The following TNS3 variants were observed in gnomAD, a reference collection of about 807,000 sequenced individuals.
TNS3 encodes the protein tensin 3, also known as tensin-3.
TNS3 carries 45 observed loss-of-function variants against 140.9 expected under a neutral mutation model. That is an observed-to-expected ratio of 0.32 (90% CI 0.25 to 0.41). The LOEUF is 0.41. TNS3 is among the 10% of genes least tolerant of loss of function. The pLI is 1.00. For missense variants in TNS3, 1,716 were observed against 1,906.7 expected (o/e 0.90, Z 1.86); for synonymous variants, 815 against 788.4 (o/e 1.03, Z -0.56).
intron 16 of TNS3, among the ~76,000 whole-genome samples, chr7:47,393,375 T>C (rs1792642017): frequency 6.6e-6 from 1 of 152,160 alleles, no homozygotes; most frequent in Non-Finnish European, 1.5e-5. Context: ...GAGGAGGGGA[T>C]GCAGATTTGA....
At chr7:47,327,029 A>G (rs763045807) in intron 20 of TNS3, among the ~76,000 whole-genome samples, 1 of 152,208 alleles carries the variant, frequency 6.6e-6, no homozygotes, top group Non-Finnish European at 1.5e-5. Flanking sequence ...CAGGGCCAGC[A>G]GAATCACAGG....
At chr7:47,514,392 A>C (rs1231738425) in intron 2 of TNS3, among the ~76,000 whole-genome samples, 2 of 152,190 alleles carry the variant, frequency 1.3e-5, no homozygotes, top group African/African-American at 4.8e-5. Flanking sequence ...GTAATCACTT[A>C]GTGTATTGCT....
intron 20 of TNS3, among the ~76,000 whole-genome samples, chr7:47,339,993 G>A (rs1226912432): frequency 2.1e-5 from 3 of 140,282 alleles, no homozygotes; most frequent in African/African-American, 5.2e-5. Context: ...ATACATATGC[G>A]ATCATATGCC....
chr7:47,301,605 A>G (rs539091787), intron 23 of TNS3, among the ~76,000 whole-genome samples: 2 of 151,346 alleles, frequency 1.3e-5, no homozygotes, highest in East Asian at 3.9e-4. Context: ...TTCATTGCTC[A>G]AAAATTAGTA....
intron 13 of TNS3, 83 bp from the exon 14 acceptor site, chr7:47,400,997 G>C (rs535477344): frequency 1.3e-6 from 2 of 1,561,728 alleles, no homozygotes; most frequent in Non-Finnish European, 8.7e-7. Flanking sequence ...CGCGGAGGCC[G>C]GCACAGCAGG....
At chr7:47,445,060 C>T (rs1430918140) in intron 4 of TNS3, among the ~76,000 whole-genome samples, 1 of 152,144 alleles carries the variant, frequency 6.6e-6, no homozygotes, top group Non-Finnish European at 1.5e-5. Flanking sequence ...TTCAGCCCGT[C>T]CCCCAACATA....
intron 1 of TNS3, among the ~76,000 whole-genome samples, chr7:47,542,755 C>T (rs561600902): frequency 6.6e-6 from 1 of 152,108 alleles, no homozygotes; most frequent in African/African-American, 2.4e-5. Flanking sequence ...ATAGTGAAAA[C>T]CCGTCTCTAC....
intron 7 of TNS3, 122 bp from the exon 8 acceptor site, chr7:47,435,526 C>G (rs1795136819): frequency 2.1e-6 from 3 of 1,428,432 alleles, no homozygotes; most frequent in Non-Finnish European, 2.9e-6. Flanking sequence ...GCTGGGTGAC[C>G]CTTTCCTAAA....
chr7:47,335,923 G>A (rs1788605870), intron 20 of TNS3, among the ~76,000 whole-genome samples: 1 of 152,132 alleles, frequency 6.6e-6, no homozygotes, highest in African/African-American at 2.4e-5. Context: ...ACCAGAGAGA[G>A]AAGAAATGTC....
intron 13 of TNS3, chr7:47,405,569 T>C (rs1293571973): frequency 8.5e-6 from 6 of 702,852 alleles, no homozygotes; most frequent in Non-Finnish European, 1.3e-5. Context: ...CCTAAAGCAA[T>C]TGAAAGGTGG....
intron 2 of TNS3, among the ~76,000 whole-genome samples, chr7:47,525,930 C>T (rs1799175049): frequency 6.6e-6 from 1 of 152,224 alleles, no homozygotes; most frequent in Non-Finnish European, 1.5e-5. Context: ...TGGGGTCCTT[C>T]CCTGGCCCTT....
At chr7:47,401,572 G>A (rs996810775) in intron 13 of TNS3, among the ~76,000 whole-genome samples, 4 of 152,198 alleles carry the variant, frequency 2.6e-5, no homozygotes, top group African/African-American at 4.8e-5. Context: ...TCCCCAGGGT[G>A]CAGCTCAAGC....
intron 16 of TNS3, among the ~76,000 whole-genome samples, chr7:47,395,112 G>C (rs981965721): frequency 5.3e-5 from 8 of 152,170 alleles, no homozygotes; most frequent in Admixed American, 3.3e-4. Context: ...CCCCTCCCTT[G>C]GCAAGCAAGG....
At chr7:47,371,680 A>C (rs1480987644) in intron 16 of TNS3, among the ~76,000 whole-genome samples, 2 of 150,358 alleles carry the variant, frequency 1.3e-5, no homozygotes, top group Non-Finnish European at 2.9e-5. Context: ...AAAGACTGGA[A>C]AGACTGGACT....
intron 16 of TNS3, among the ~76,000 whole-genome samples, chr7:47,374,219 C>A (rs1167725172): frequency 6.6e-6 from 1 of 152,202 alleles, no homozygotes; most frequent in Non-Finnish European, 1.5e-5. Flanking sequence ...AACATTTGAA[C>A]ATTATCTGGC....
At position 47,524,774 on chromosome 7, in the gene TNS3, A is replaced by C. The variant is rs1012516737; in HGVS notation, c.-153+4262T>G. Reference sequence around the variant, plus strand: ...CCGAGATCGCGCCACTGCAGTCCGCAGTCCGGCCTGGGCGACAGAGCGAGA... The same window carrying C: ...CCGAGATCGCGCCACTGCAGTCCGCCGTCCGGCCTGGGCGACAGAGCGAGA... On this transcript the variant is annotated intron_variant, in intron 2 of 30. Transcript: ENST00000311160. Among the ~76,000 whole-genome samples the C allele has an allele frequency of 2.4e-5, 3 of 125,522 alleles. No individual in the cohort carries two copies. In the Admixed American group the frequency reaches 2.7e-4, roughly 11 times the overall value. 82.3% of individuals were successfully genotyped at this position (125,522 alleles called of 152,430 possible).
At position 47,394,422 on chromosome 7, in the gene TNS3, A is replaced by G. The variant is rs1000911436; in HGVS notation, c.1024+2378T>C. Among the ~76,000 whole-genome samples, 13 of 152,346 alleles carry G rather than the reference A, an allele frequency of 8.5e-5. No homozygotes were observed. The East Asian group carries it at 2.5e-3, about 29-fold the overall frequency. On this transcript the variant is annotated intron_variant, in intron 16 of 30. Transcript: ENST00000311160. Reference sequence around the variant, plus strand: ...ATGACAGCCCTCACCAGAATCCGCCAGGCTGGCTGCCTGATCTTGGACTTC... The same window carrying G: ...ATGACAGCCCTCACCAGAATCCGCCGGGCTGGCTGCCTGATCTTGGACTTC...
chr7:47,304,036 C>T (rs901600356), intron 21 of TNS3, among the ~76,000 whole-genome samples: 3 of 152,198 alleles, frequency 2.0e-5, no homozygotes, highest in Admixed American at 6.5e-5. Flanking sequence ...CCGTCTTGTC[C>T]CACAGCACTA....
chr7:47,287,859 C>G (rs1785498802), intron 27 of TNS3, among the ~76,000 whole-genome samples: 1 of 152,168 alleles, frequency 6.6e-6, no homozygotes, highest in African/African-American at 2.4e-5. Flanking sequence ...ACTCCAAGTT[C>G]TGAATGAAGT....
Sources: gnomAD v4.1 joint callset for allele counts (sites outside exome capture counted in the v4.1 genomes callset) on GRCh38, gnomAD v4.1.1 for gene constraint, MANE v1.5 for transcripts, NCBI Gene and HGNC (gene_info 2026-07-23, HGNC 2026-07-21) for gene names.